ADAMTSL1: variants seen among roughly 807,000 people sequenced by gnomAD.
ADAMTSL1 encodes the protein ADAMTS like 1.
A neutral mutation model predicts 201.8 loss-of-function variants in ADAMTSL1; 126 were observed. The observed-to-expected ratio is 0.62, with a 90% CI of 0.54 to 0.72. The LOEUF is 0.72. Ranked by LOEUF, ADAMTSL1 falls within the 30% of genes least tolerant of loss-of-function variation. The pLI, the probability that ADAMTSL1 is intolerant of heterozygous loss-of-function variation, is 0.00. For synonymous variants in ADAMTSL1, 1,121 were observed against 903.4 expected (o/e 1.24, Z -4.32); for missense variants, 2,679 against 2,277.8 (o/e 1.18, Z -3.59).
At chr9:18,691,067 T>C (rs924795714) in intron 13 of ADAMTSL1, among the ~76,000 whole-genome samples, 18 of 152,204 alleles carry the variant, frequency 1.2e-4, no homozygotes, top group Non-Finnish European at 2.6e-4. Flanking sequence ...TGGTTGTCTA[T>C]CCACAGACTG....
intron 2 of ADAMTSL1, among the ~76,000 whole-genome samples, chr9:18,375,192 G>A (rs1837232675): frequency 6.6e-6 from 1 of 152,160 alleles, no homozygotes; most frequent in South Asian, 2.1e-4. Context: ...TAGGAGAAAT[G>A]AACTATTCTG....
At chr9:17,939,536 A>T (rs1203292767) in intron 1 of ADAMTSL1, among the ~76,000 whole-genome samples, 1 of 152,132 alleles carries the variant, frequency 6.6e-6, no homozygotes, top group Non-Finnish European at 1.5e-5. Flanking sequence ...GGTAACAATG[A>T]TGTATGACTG....
At chr9:18,703,325 G>A (rs1023070680) in intron 13 of ADAMTSL1, among the ~76,000 whole-genome samples, 3 of 152,068 alleles carry the variant, frequency 2.0e-5, no homozygotes, top group East Asian at 1.9e-4. Context: ...ACAGAGCTGG[G>A]AGATCTAGGG....
At chr9:17,948,187 A>G (rs1370990427) in intron 1 of ADAMTSL1, among the ~76,000 whole-genome samples, 1 of 152,240 alleles carries the variant, frequency 6.6e-6, no homozygotes, top group Non-Finnish European at 1.5e-5. Flanking sequence ...AGCATTACCA[A>G]AAAATAAATT....
At chr9:18,130,211 AT>A (rs1334310398) in intron 1 of ADAMTSL1, among the ~76,000 whole-genome samples, 4 of 152,008 alleles carry the variant, frequency 2.6e-5, no homozygotes, top group African/African-American at 9.7e-5. Flanking sequence ...TCACAGGGGC[AT>A]TTTCACCTCG....
At chr9:18,184,390 A>T (rs1354936484) in intron 2 of ADAMTSL1, among the ~76,000 whole-genome samples, 1 of 152,218 alleles carries the variant, frequency 6.6e-6, no homozygotes, top group African/African-American at 2.4e-5. Flanking sequence ...ATCTAGGATT[A>T]TTCAAGTATT....
intron 26 of ADAMTSL1, among the ~76,000 whole-genome samples, chr9:18,894,396 A>G (rs1829485360): frequency 7.2e-6 from 1 of 138,686 alleles, no homozygotes; most frequent in Non-Finnish European, 1.5e-5. Context: ...TAGTGATCAA[A>G]TTGGCAAGTG....
chr9:18,437,957 T>C (rs1819814141), intron 2 of ADAMTSL1, among the ~76,000 whole-genome samples: 1 of 152,138 alleles, frequency 6.6e-6, no homozygotes, highest in African/African-American at 2.4e-5. Context: ...CGGGCACTTA[T>C]ACACCCCTGT....
At chr9:18,286,007 C>T (rs1015526979) in intron 2 of ADAMTSL1, among the ~76,000 whole-genome samples, 4 of 151,994 alleles carry the variant, frequency 2.6e-5, no homozygotes, top group African/African-American at 9.7e-5. Context: ...AGTTCCCAAC[C>T]CCCTAGCTCT....
At chr9:18,789,492 TC>T (rs1221578400) in intron 19 of ADAMTSL1, among the ~76,000 whole-genome samples, 3 of 152,232 alleles carry the variant, frequency 2.0e-5, no homozygotes. Context: ...GTGGATATGA[TC>T]ATTTTCAGCC....
intron 1 of ADAMTSL1, among the ~76,000 whole-genome samples, chr9:18,063,658 T>C (rs771619985): frequency 2.0e-5 from 3 of 152,330 alleles, no homozygotes; most frequent in East Asian, 1.9e-4. Context: ...GGGACAGTGA[T>C]GCTTACTGTA....
intron 1 of ADAMTSL1, among the ~76,000 whole-genome samples, chr9:18,147,614 A>G (rs1016926034): frequency 6.6e-6 from 1 of 152,134 alleles, no homozygotes; most frequent in Non-Finnish European, 1.5e-5. Context: ...TTTCACTGCC[A>G]TCAACTAAGC....
chr9:18,717,867 A>C, intron 14 of ADAMTSL1: 1 of 785,352 alleles, frequency 1.3e-6, no homozygotes, highest in Non-Finnish European at 2.3e-6. Context: ...ACCACAGGAA[A>C]GTCCATTTAA....
chr9:18,415,152 A>G (rs1818618779), intron 2 of ADAMTSL1, among the ~76,000 whole-genome samples: 1 of 152,220 alleles, frequency 6.6e-6, no homozygotes, highest in African/African-American at 2.4e-5. Flanking sequence ...GATAAAATTC[A>G]CAATGTCTGG....
At chr9:18,197,615 T>G (rs897229593) in intron 2 of ADAMTSL1, among the ~76,000 whole-genome samples, 9 of 148,490 alleles carry the variant, frequency 6.1e-5, no homozygotes, top group African/African-American at 2.3e-4. Flanking sequence ...TACAATCATG[T>G]CGTCTGCAAA....
At chr9:18,120,708 A>G (rs1587096240) in intron 1 of ADAMTSL1, among the ~76,000 whole-genome samples, 1 of 152,230 alleles carries the variant, frequency 6.6e-6, no homozygotes, top group East Asian at 1.9e-4. Context: ...AAACTTACTG[A>G]ATCAGAATCT....
At chr9:18,068,993 G>A (rs532662893) in intron 1 of ADAMTSL1, among the ~76,000 whole-genome samples, 1 of 152,212 alleles carries the variant, frequency 6.6e-6, no homozygotes, top group Admixed American at 6.5e-5. Flanking sequence ...TTTACCAGAT[G>A]GATTTAAAAA....
intron 2 of ADAMTSL1, among the ~76,000 whole-genome samples, chr9:18,262,119 C>A (rs920944421): frequency 6.6e-6 from 1 of 152,148 alleles, no homozygotes; most frequent in Non-Finnish European, 1.5e-5. Context: ...TATAGCCAGG[C>A]AAACCCTACG....
At chr9:18,765,285 A>G (rs1035018470) in intron 16 of ADAMTSL1, among the ~76,000 whole-genome samples, 1 of 152,186 alleles carries the variant, frequency 6.6e-6, no homozygotes, top group Non-Finnish European at 1.5e-5. Context: ...TAAAATGTCA[A>G]TCACTGGGTA....
Sources: gnomAD v4.1 joint callset for allele counts (sites outside exome capture counted in the v4.1 genomes callset) on GRCh38, gnomAD v4.1.1 for gene constraint, MANE v1.5 for transcripts, NCBI Gene and HGNC (gene_info 2026-07-23, HGNC 2026-07-21) for gene names.